The following TLL1 variants were observed in gnomAD, a reference collection of about 807,000 sequenced individuals.
The protein encoded by TLL1 is tolloid like 1.
Under a neutral mutation model 128.2 loss-of-function variants are expected in TLL1, and 49 were observed. The observed-to-expected ratio is 0.38, with a 90% CI of 0.30 to 0.48. The LOEUF is 0.48. Ranked by LOEUF, TLL1 falls within the 20% of genes least tolerant of loss-of-function variation. The probability of loss-of-function intolerance (pLI) is 0.96; values close to 1 mark genes in which losing one functional copy is unlikely to be tolerated. For synonymous variants in TLL1, 454 were observed against 418.8 expected (o/e 1.08, Z -1.03); for missense variants, 1,123 against 1,242.0 (o/e 0.90, Z 1.44).
chr4:165,938,967 G>A (rs1371168046), intron 1 of TLL1, among the ~76,000 whole-genome samples: 1 of 150,920 alleles, frequency 6.6e-6, no homozygotes, highest in African/African-American at 2.4e-5. Context: ...CTGGAAGATT[G>A]TTTTCGTGTT....
intron 1 of TLL1, among the ~76,000 whole-genome samples, chr4:165,949,723 T>C (rs879774886): frequency 2.0e-5 from 3 of 152,050 alleles, no homozygotes; most frequent in Non-Finnish European, 4.4e-5. Flanking sequence ...ATGGTACTTA[T>C]TCACTACCAC....
intron 1 of TLL1, among the ~76,000 whole-genome samples, chr4:165,971,282 C>T (rs1186904674): frequency 6.6e-6 from 1 of 152,162 alleles, no homozygotes; most frequent in Non-Finnish European, 1.5e-5. Context: ...TCCCTAAGGA[C>T]TCTAAGCCAC....
At chr4:165,990,994 A>C (rs1222544535) in intron 2 of TLL1, among the ~76,000 whole-genome samples, 1 of 152,010 alleles carries the variant, frequency 6.6e-6, no homozygotes. Context: ...TCATGGAGAC[A>C]ACGCATTCTG....
intron 1 of TLL1, among the ~76,000 whole-genome samples, chr4:165,901,591 A>T (rs893105276): frequency 2.0e-5 from 3 of 152,144 alleles, no homozygotes. Flanking sequence ...AATAGCAAAG[A>T]TTGCTGCCTG....
At chr4:165,902,304 AAAAAACAAAAAAAC>A (rs1342580977) in intron 1 of TLL1, among the ~76,000 whole-genome samples, 1 of 152,032 alleles carries the variant, frequency 6.6e-6, no homozygotes, top group Non-Finnish European at 1.5e-5. Context: ...AAAAAAAACA[AAAAAACAAAAAAAC>A]AAAAACAAAA....
chr4:166,050,354 T>C (rs10003578), intron 12 of TLL1, among the ~76,000 whole-genome samples: 65,776 of 152,024 alleles, frequency 0.43, 14,766 homozygotes, highest in African/African-American at 0.56. Flanking sequence ...TCAATGAACC[T>C]GTGGATTGCT....
intron 12 of TLL1, among the ~76,000 whole-genome samples, chr4:166,053,967 T>C (rs1387968955): frequency 6.6e-6 from 1 of 152,168 alleles, no homozygotes; most frequent in Admixed American, 6.6e-5. Flanking sequence ...TTAAAACAAT[T>C]TATAAATTTT....
intron 9 of TLL1, among the ~76,000 whole-genome samples, chr4:166,032,773 G>A (rs116756805): frequency 0.014 from 2,149 of 152,058 alleles, 52 homozygotes; most frequent in African/African-American, 0.044. Context: ...GATTATCCAC[G>A]TAAAGTTGTT....
intron 13 of TLL1, 106 bp from the exon 14 acceptor site, chr4:166,057,078 A>C (rs1740047353): frequency 3.1e-6 from 4 of 1,307,872 alleles, no homozygotes; most frequent in Non-Finnish European, 4.4e-6. Context: ...GAATTTTGGG[A>C]GATATCATTC....
At chr4:166,066,705 A>G (rs1488845140) in intron 16 of TLL1, among the ~76,000 whole-genome samples, 1 of 151,734 alleles carries the variant, frequency 6.6e-6, no homozygotes, top group African/African-American at 2.4e-5. Flanking sequence ...GGTTTTCAGT[A>G]TAATTGAAGT....
chr4:165,934,733 G>A (rs749077548), intron 1 of TLL1, among the ~76,000 whole-genome samples: 13 of 152,158 alleles, frequency 8.5e-5, no homozygotes, highest in Non-Finnish European at 1.9e-4. Flanking sequence ...CCCATCTCCT[G>A]GTGGCCTTTG....
intron 7 of TLL1, among the ~76,000 whole-genome samples, chr4:166,010,393 C>T (rs1737633111): frequency 6.6e-6 from 1 of 151,028 alleles, no homozygotes; most frequent in East Asian, 1.9e-4. Flanking sequence ...GATTAGTGAA[C>T]ATCCTTTTAT....
At chr4:166,083,062 G>A (rs1188660687) in intron 18 of TLL1, among the ~76,000 whole-genome samples, 2 of 152,162 alleles carry the variant, frequency 1.3e-5, no homozygotes, top group South Asian at 2.1e-4. Context: ...AATCTTCTTA[G>A]GTCAAGAACT....
At chr4:165,989,893 A>G (rs1044095554) in intron 2 of TLL1, among the ~76,000 whole-genome samples, 3 of 152,012 alleles carry the variant, frequency 2.0e-5, no homozygotes, top group Non-Finnish European at 2.9e-5. Context: ...CAATTCTGAA[A>G]AAAGCTTGAT....
chr4:165,889,070 A>C (rs1237665305), intron 1 of TLL1, among the ~76,000 whole-genome samples: 1 of 152,208 alleles, frequency 6.6e-6, no homozygotes, highest in Non-Finnish European at 1.5e-5. Flanking sequence ...GCTTTAAAAA[A>C]TACTTTATCT....
At chr4:166,066,524 C>T (rs980413947) in intron 16 of TLL1, among the ~76,000 whole-genome samples, 8 of 151,814 alleles carry the variant, frequency 5.3e-5, no homozygotes, top group African/African-American at 1.9e-4. Flanking sequence ...TGCAATAAAC[C>T]TTAGTATAGC....
At chr4:166,010,422 A>G (rs1221005443) in intron 7 of TLL1, among the ~76,000 whole-genome samples, 2 of 151,070 alleles carry the variant, frequency 1.3e-5, no homozygotes, top group East Asian at 1.9e-4. Context: ...TGGCATTTGT[A>G]TATCATCTTT....
At chr4:165,930,775 T>G (rs1399351361) in intron 1 of TLL1, among the ~76,000 whole-genome samples, 1 of 152,234 alleles carries the variant, frequency 6.6e-6, no homozygotes, top group Non-Finnish European at 1.5e-5. Context: ...CATATTTGCT[T>G]TATAATACTT....
At chr4:165,876,106 T>C (rs538023560) in intron 1 of TLL1, among the ~76,000 whole-genome samples, 1 of 152,310 alleles carries the variant, frequency 6.6e-6, no homozygotes, top group South Asian at 2.1e-4. Flanking sequence ...TGCATGTGTG[T>C]GTGTAATGAG....
Sources: gnomAD v4.1 joint callset for allele counts (sites outside exome capture counted in the v4.1 genomes callset) on GRCh38, gnomAD v4.1.1 for gene constraint, MANE v1.5 for transcripts, NCBI Gene and HGNC (gene_info 2026-07-23, HGNC 2026-07-21) for gene names.